Variants in RAB11FIP4 observed in about 807,000 individuals in gnomAD.
The protein encoded by RAB11FIP4 is rab11 family-interacting protein 4.
In RAB11FIP4, 23 loss-of-function variants were observed where a neutral mutation model predicts 74.3. That is an observed-to-expected ratio of 0.31 (90% CI 0.22 to 0.44). The LOEUF is 0.44. Among genes scored for constraint, RAB11FIP4 ranks in the 20% least tolerant of loss-of-function variants. The pLI is 1.00. For synonymous variants in RAB11FIP4, 360 were observed against 359.9 expected (o/e 1.00, Z 0.00); for missense variants, 630 against 863.9 (o/e 0.73, Z 3.39).
At chr17:31,517,223 A>G (rs1292380415) in intron 3 of RAB11FIP4, among the ~76,000 whole-genome samples, 341 of 56,934 alleles carry the variant, frequency 6.0e-3, no homozygotes, top group African/African-American at 7.6e-3. Flanking sequence ...GGCGGGGGGG[A>G]AGGGGATGCA....
intron 4 of RAB11FIP4, among the ~76,000 whole-genome samples, chr17:31,519,355 T>G (rs1321020008): frequency 6.6e-6 from 1 of 152,178 alleles, no homozygotes; most frequent in Non-Finnish European, 1.5e-5. Context: ...CTGCTATATT[T>G]TCTATATTGA....
intron 3 of RAB11FIP4, among the ~76,000 whole-genome samples, chr17:31,478,903 G>C (rs778592704): frequency 6.6e-6 from 1 of 152,194 alleles, no homozygotes; most frequent in Non-Finnish European, 1.5e-5. Context: ...AGGAACTTGA[G>C]GCCTTTAATT....
At chr17:31,394,502 C>A (rs1383385213) in intron 1 of RAB11FIP4, among the ~76,000 whole-genome samples, 2 of 151,988 alleles carry the variant, frequency 1.3e-5, no homozygotes, top group Non-Finnish European at 2.9e-5. Context: ...ATTCCTTTTT[C>A]TTTTCTTTTC....
chr17:31,445,576 A>T (rs1271278729), intron 3 of RAB11FIP4, among the ~76,000 whole-genome samples: 124 of 9,980 alleles, frequency 0.012, 6 homozygotes, highest in African/African-American at 0.046. Context: ...ATATATATAT[A>T]TATTTTTTTT....
chr17:31,463,504 C>T (rs178880), intron 3 of RAB11FIP4, among the ~76,000 whole-genome samples: 122,455 of 151,978 alleles, frequency 0.81, 49,577 homozygotes, highest in East Asian at 0.9. Flanking sequence ...AGTTTCCACA[C>T]AGCAAGAGCA....
At chr17:31,417,648 G>T (rs2071161032) in intron 1 of RAB11FIP4, among the ~76,000 whole-genome samples, 1 of 152,238 alleles carries the variant, frequency 6.6e-6, no homozygotes, top group Non-Finnish European at 1.5e-5. Flanking sequence ...TGCAGCCTAG[G>T]TGGGGCTGCG....
intron 10 of RAB11FIP4, 196 bp from the exon 11 acceptor site, chr17:31,527,637 CTTACAAATA>C (rs2072790130): frequency 1.8e-5 from 1 of 54,538 alleles, no homozygotes; most frequent in Admixed American, 2.1e-4. Flanking sequence ...TACTATTTTG[CTTACAAATA>C]GTCCTTACTA....
intron 3 of RAB11FIP4, among the ~76,000 whole-genome samples, chr17:31,441,880 G>A (rs1041293643): frequency 1.3e-4 from 19 of 151,878 alleles, no homozygotes; most frequent in South Asian, 2.1e-4. Context: ...TTTCTATCAT[G>A]CTTAATTCTA....
intron 3 of RAB11FIP4, among the ~76,000 whole-genome samples, chr17:31,446,647 A>C (rs1198121311): frequency 1.4e-5 from 2 of 147,754 alleles, no homozygotes; most frequent in Non-Finnish European, 3.0e-5. Flanking sequence ...ACTAGAAAAG[A>C]CCCCCCCCAC....
intron 10 of RAB11FIP4, 31 bp downstream of exon 10, chr17:31,525,261 G>C: frequency 6.5e-7 from 1 of 1,528,604 alleles, no homozygotes; most frequent in Non-Finnish European, 8.8e-7. Context: ...CCCTCCCTCA[G>C]AGGGACCCCC....
chr17:31,471,381 T>A (rs923492645), intron 3 of RAB11FIP4, among the ~76,000 whole-genome samples: 44 of 152,020 alleles, frequency 2.9e-4, no homozygotes, highest in African/African-American at 1.0e-3. Context: ...GGGAGTTTTT[T>A]AAGTGTCCAG....
chr17:31,522,267 C>T (rs1567691101), intron 6 of RAB11FIP4, 93 bp from the exon 7 acceptor site: 5 of 1,388,742 alleles, frequency 3.6e-6, no homozygotes, highest in Middle Eastern at 1.8e-4. Context: ...AGGGAAGAGC[C>T]TTGTCCTGCA....
chr17:31,502,726 A>C (rs189003213), intron 3 of RAB11FIP4, among the ~76,000 whole-genome samples: 3 of 152,198 alleles, frequency 2.0e-5, no homozygotes, highest in East Asian at 1.9e-4. Context: ...GGATATTGGT[A>C]TATTGGTCTA....
At position 31,458,472 on chromosome 17, in the gene RAB11FIP4, A is replaced by AG. The variant is rs577254364; in HGVS notation, c.336+24355dup. 3.3e-5 allele frequency among the ~76,000 whole-genome samples: 5 copies of AG among 152,264 alleles called. No homozygotes were observed. The East Asian group carries it at 7.7e-4, about 24-fold the overall frequency. On this transcript the variant is annotated intron_variant, in intron 3 of 14. Transcript: ENST00000621161. ...CTGAAGATGGCTCTGACCTGGATAT[A>AG]GGGGGTCCTAAAATGGAAGCCCTTT...
Position 31,446,655 on chromosome 17 carries a change from C to G in RAB11FIP4, c.336+12533C>G, listed in dbSNP as rs538349029. 2.6e-5 allele frequency among the ~76,000 whole-genome samples: 4 copies of G among 151,956 alleles called. No individual in the cohort carries two copies. In the South Asian group the frequency reaches 6.2e-4, roughly 24 times the overall value. The stretch of plus-strand genomic sequence containing the variant: ...AGAGAAAACTAGAAAAGACCCCCCC[C>G]ACGTCTTTGGGGGGATTATCTGAGA... On this transcript the variant is annotated intron_variant, in intron 3 of 14. Transcript: ENST00000621161.
At chr17:31,519,007 CTTTTTT>C (rs1190316585) in intron 4 of RAB11FIP4, among the ~76,000 whole-genome samples, 2 of 73,980 alleles carry the variant, frequency 2.7e-5, no homozygotes, top group East Asian at 4.6e-4. Flanking sequence ...TAAGTTTTGT[CTTTTTT>C]TTTTTTTTTT....
At chr17:31,443,758 GA>G (rs1327656078) in intron 3 of RAB11FIP4, among the ~76,000 whole-genome samples, 1 of 151,832 alleles carries the variant, frequency 6.6e-6, no homozygotes, top group African/African-American at 2.4e-5. Flanking sequence ...GAAAAAAAAA[GA>G]AAAAAATTAG....
At chr17:31,522,784 T>C (rs906211473) in intron 7 of RAB11FIP4, 16 of 238,674 alleles carry the variant, frequency 6.7e-5, no homozygotes, top group African/African-American at 2.9e-4. Context: ...GTGTGCGCCA[T>C]TGGGGCTGGT....
At chr17:31,466,231 AG>A (rs2071685163) in intron 3 of RAB11FIP4, among the ~76,000 whole-genome samples, 1 of 152,142 alleles carries the variant, frequency 6.6e-6, no homozygotes, top group Non-Finnish European at 1.5e-5. Context: ...AGTGGGTCCC[AG>A]GGGAAGGAGG....
Sources: allele counts gnomAD v4.1 joint callset (sites outside exome capture counted in the v4.1 genomes callset), GRCh38; gene constraint gnomAD v4.1.1; transcripts MANE v1.5; gene names NCBI Gene and HGNC (gene_info 2026-07-23, HGNC 2026-07-21).